NEO1: variants seen among roughly 807,000 people sequenced by gnomAD.
NEO1 encodes neogenin.
In NEO1, 63 loss-of-function variants were observed where a neutral mutation model predicts 159.7. The observed-to-expected ratio is 0.39, with a 90% confidence interval of 0.32 to 0.49. The LOEUF (loss-of-function observed/expected upper bound fraction) is 0.49, where lower values mean the gene tolerates loss of function less well. Ranked by LOEUF, NEO1 falls within the 20% of genes least tolerant of loss-of-function variation. The probability of loss-of-function intolerance (pLI) is 0.85; values close to 1 mark genes in which losing one functional copy is unlikely to be tolerated. For synonymous variants in NEO1, 633 were observed against 662.0 expected, an observed-to-expected ratio of 0.96 and a Z score of 0.67; for missense variants, 1,615 against 1,831.0, an observed-to-expected ratio of 0.88 and a Z score of 2.15.
rs10623334 is a variant in NEO1, at chr15:73,257,132, CAAAA to C, written c.2093-1616_2093-1613del. Among the ~76,000 whole-genome samples, 152 of 54,782 alleles carry C rather than the reference CAAAA, an allele frequency of 2.8e-3. 3 individuals are homozygous for C. The highest frequency in any genetic ancestry group is 6.3e-3 in the South Asian group (4 of 630). 35.9% of individuals were successfully genotyped at this position (54,782 alleles called of 152,430 possible). A position where few individuals can be genotyped will look rare whatever the true frequency, so the allele number is the denominator to read the frequency against. On this transcript the variant is annotated intron_variant, in intron 13 of 28. Transcript: ENST00000261908. ...GGGCAACAGAGAGAGACTCTGTCTC[CAAAA>C]AAAAAAAAAAAAAAAAAGTTTCATA...
rs527858834 is a variant in NEO1 at position 73,275,416 on chromosome 15, A to C, written c.3193+692A>C. Reference sequence around the variant, plus strand: ...TGTAATCCCAGCACTTTGGGAGGCCAAGGTGGGAGGATCACTTGAGCCCAA... The same window carrying C: ...TGTAATCCCAGCACTTTGGGAGGCCCAGGTGGGAGGATCACTTGAGCCCAA... On this transcript the variant is annotated intron_variant, in intron 21 of 28. Transcript: ENST00000261908. 6.6e-5 allele frequency among the ~76,000 whole-genome samples: 10 copies of C among 152,258 alleles called. No homozygotes were observed. The South Asian group carries it at 2.1e-3, about 32-fold the overall frequency.
In NEO1 at chr15:73,249,150, A is replaced by G. The variant is rs201806496; in HGVS notation, c.1697A>G (p.Asn566Ser). 1.1e-5 allele frequency: 17 copies of G among 1,614,062 alleles called. 1 individual carries two copies. The highest frequency in any genetic ancestry group is 5.5e-5 in the South Asian group (5 of 91,078). ...TVTWETPVSG[N>S]GEIQNYKLYY... ...ACGTGGGAAACACCAGTGTCTGGCA[A>G]TGGGGAAATTCAGAATTATAAATTG... Residue 566 changes from asparagine (N) to serine (S), a missense_variant, in exon 10 of 29, where the codon AAT becomes AGT. Asn to Ser is a conservative substitution (Grantham distance 46). Coordinates refer to ENST00000261908, the MANE Select transcript of NEO1 (RefSeq NM_002499.4).
At chr15:73,203,101 T>A (rs2036997580) in intron 7 of NEO1, among the ~76,000 whole-genome samples, 1 of 152,346 alleles carries the variant, frequency 6.6e-6, no homozygotes, top group East Asian at 1.9e-4. Flanking sequence ...GAGACCCTGC[T>A]TTCAATTCTC....
chr15:73,191,029 C>T (rs556214621), intron 7 of NEO1, among the ~76,000 whole-genome samples: 14 of 151,990 alleles, frequency 9.2e-5, no homozygotes, highest in Non-Finnish European at 1.9e-4. Context: ...TGCTTCAGAA[C>T]GCTTTTTCCG....
intron 9 of NEO1, among the ~76,000 whole-genome samples, chr15:73,246,687 A>G (rs539219547): frequency 1.0e-3 from 152 of 152,364 alleles, no homozygotes; most frequent in African/African-American, 3.5e-3. Context: ...ACAAAAATGA[A>G]GGAAATGCAA....
intron 4 of NEO1, among the ~76,000 whole-genome samples, chr15:73,130,065 A>G (rs1244475255): frequency 6.6e-6 from 1 of 152,084 alleles, no homozygotes; most frequent in East Asian, 1.9e-4. Context: ...GCGTGATCTC[A>G]GTTCACTGCA....
rs763290186 is a variant in NEO1, at chr15:73,116,586, G to A, written c.177G>A (p.Pro59=). The change falls in exon 2 of 29, where the codon CCG becomes CCA. Residue 59 remains proline (P), a synonymous_variant. Coordinates refer to ENST00000261908, the MANE Select transcript of NEO1 (RefSeq NM_002499.4). The part of the protein sequence containing the change: ...TFTPFYFLVE[P]VDTLSVRGSS... ...CTCCATTTTATTTTCTGGTGGAGCC[G>A]GTGGATACACTCTCAGTTAGAGGCT... The A allele has an allele frequency of 2.1e-5, 33 of 1,567,074 alleles. No homozygotes were observed. Among genetic ancestry groups the A allele is most frequent in the Admixed American group, 1.4e-4 (7 of 49,998 alleles).
intron 5 of NEO1, among the ~76,000 whole-genome samples, chr15:73,169,570 T>C (rs1434088971): frequency 6.6e-6 from 1 of 151,906 alleles, no homozygotes. Flanking sequence ...ACATTGCTTA[T>C]GATGATTTTT....
chr15:73,112,613 G>T lies in NEO1; in HGVS notation c.131-3927G>T, dbSNP rs563930967. On this transcript the variant is annotated intron_variant, in intron 1 of 28. Coordinates refer to ENST00000261908, the MANE Select transcript of NEO1 (RefSeq NM_002499.4). Reference sequence around the variant, plus strand: ...TACATTTTTATGTCTATATTGAGTGGCATTGTAGTATAACGTAGTATAAGA... The same window carrying T: ...TACATTTTTATGTCTATATTGAGTGTCATTGTAGTATAACGTAGTATAAGA... 1.4e-4 allele frequency among the ~76,000 whole-genome samples: 22 copies of T among 152,018 alleles called. 1 individual carries two copies. In the South Asian group the frequency reaches 1.9e-3, roughly 13 times the overall value.
intron 5 of NEO1, among the ~76,000 whole-genome samples, chr15:73,143,749 GT>G (rs1179308370): frequency 6.6e-6 from 1 of 152,208 alleles, no homozygotes; most frequent in Non-Finnish European, 1.5e-5. Flanking sequence ...TGATAGCAGT[GT>G]TCCCCTGTGT....
intron 1 of NEO1, among the ~76,000 whole-genome samples, chr15:73,074,575 G>A (rs1424166608): frequency 6.6e-6 from 1 of 152,178 alleles, no homozygotes; most frequent in Non-Finnish European, 1.5e-5. Flanking sequence ...GGTTTTCGAT[G>A]TGTGAGGATA....
chr15:73,090,542 A>G (rs1326402795), intron 1 of NEO1, among the ~76,000 whole-genome samples: 1 of 152,210 alleles, frequency 6.6e-6, no homozygotes, highest in East Asian at 1.9e-4. Context: ...AAAAGCAGCA[A>G]TAACAAAAAG....
At chr15:73,144,730 C>G (rs1329653993) in intron 5 of NEO1, among the ~76,000 whole-genome samples, 1 of 152,158 alleles carries the variant, frequency 6.6e-6, no homozygotes, top group Non-Finnish European at 1.5e-5. Flanking sequence ...CCACAGGTAC[C>G]TCAGAAATCG....
chr15:73,094,647 C>T (rs184275423), intron 1 of NEO1, among the ~76,000 whole-genome samples: 137 of 152,336 alleles, frequency 9.0e-4, no homozygotes, highest in African/African-American at 3.1e-3. Flanking sequence ...CCCTCTTCAC[C>T]TCCCTGTTTT....
At chr15:73,177,748 T>G (rs1251421853) in intron 6 of NEO1, among the ~76,000 whole-genome samples, 1 of 152,086 alleles carries the variant, frequency 6.6e-6, no homozygotes, top group South Asian at 2.1e-4. Context: ...ACTGTGTTGC[T>G]CAGTCTGGTC....
intron 7 of NEO1, among the ~76,000 whole-genome samples, chr15:73,184,655 C>T (rs1213762140): frequency 6.6e-6 from 1 of 152,210 alleles, no homozygotes; most frequent in Non-Finnish European, 1.5e-5. Context: ...AGGCCAGGTG[C>T]CGTGGCTTAC....
chr15:73,090,489 T>C (rs1223674645), intron 1 of NEO1, among the ~76,000 whole-genome samples: 1 of 152,230 alleles, frequency 6.6e-6, no homozygotes, highest in East Asian at 1.9e-4. Context: ...TGCTTAAAGA[T>C]GGCAGCCCAA....
chr15:73,189,454 G>A (rs1205560258), intron 7 of NEO1, among the ~76,000 whole-genome samples: 2 of 152,348 alleles, frequency 1.3e-5, no homozygotes, highest in East Asian at 3.9e-4. Context: ...ACTGTAGTCT[G>A]TCTTTGCTCT....
chr15:73,136,097 A>AT (rs1374916180), intron 5 of NEO1, 70 bp downstream of exon 5: 1 of 1,399,928 alleles, frequency 7.1e-7, no homozygotes, highest in Non-Finnish European at 9.6e-7. Flanking sequence ...TTTAAGAAAT[A>AT]TTAACATGGG....
Sources: gnomAD v4.1 joint callset for allele counts (sites outside exome capture counted in the v4.1 genomes callset) on GRCh38, gnomAD v4.1.1 for gene constraint, MANE v1.5 for transcripts, NCBI Gene and HGNC (gene_info 2026-07-23, HGNC 2026-07-21) for gene names.